The following ENOSF1 variants were observed in gnomAD, a reference collection of about 807,000 sequenced individuals.
ENOSF1 encodes enolase superfamily member 1.
In ENOSF1, 73 loss-of-function variants were observed where a neutral mutation model predicts 68.2. The ratio of observed to expected loss-of-function variants is 1.07; its 90% confidence interval spans 0.89 to 1.30. The LOEUF (loss-of-function observed/expected upper bound fraction) is 1.30, where lower values mean the gene tolerates loss of function less well. Among genes scored for constraint, ENOSF1 ranks in the 50% most tolerant of loss-of-function variants. The pLI, the probability that ENOSF1 is intolerant of heterozygous loss-of-function variation, is 0.00. For synonymous variants in ENOSF1, 223 were observed against 210.4 expected, an observed-to-expected ratio of 1.06 and a Z score of -0.52; for missense variants, 589 against 554.5, an observed-to-expected ratio of 1.06 and a Z score of -0.62.
At chr18:683,691 C>G (rs887691084) in intron 10 of ENOSF1, among the ~76,000 whole-genome samples, 3 of 152,136 alleles carry the variant, frequency 2.0e-5, no homozygotes, top group African/African-American at 7.2e-5. Flanking sequence ...GGTCCAATCT[C>G]CATCTAGATG....
At chr18:689,232 C>T (rs187111876) in intron 8 of ENOSF1, among the ~76,000 whole-genome samples, 35 of 152,272 alleles carry the variant, frequency 2.3e-4, no homozygotes, top group Admixed American at 1.4e-3. Flanking sequence ...AAATGAATGG[C>T]TTTGCATTTG....
At chr18:710,530 C>G (rs1201228929) in intron 1 of ENOSF1, among the ~76,000 whole-genome samples, 1 of 151,970 alleles carries the variant, frequency 6.6e-6, no homozygotes, top group East Asian at 1.9e-4. Flanking sequence ...TCTTTAGAAA[C>G]AGGGTCTCAC....
Position 675,401 on chromosome 18 carries a change from C to T in ENOSF1, c.1150G>A (p.Val384Met). The change falls in exon 15 of 16, where the codon GTG becomes ATG. Residue 384 changes from valine to methionine, a missense_variant and splice_region_variant. Coordinates refer to ENST00000647584, the MANE Select transcript of ENOSF1 (RefSeq NM_017512.7). The stretch of plus-strand genomic sequence containing the variant: ...TGCAGGTGGTCAACATACTCACACA[C>T]CCTAGGAGGAGGGAATCAGATCGGG... Reference protein sequence around the residue: ...ISVSASLENRVCEYVDHLHEH... With the variant: ...ISVSASLENRMCEYVDHLHEH... 1 of 1,612,322 alleles carries T rather than the reference C, an allele frequency of 6.2e-7. No individual in the cohort carries two copies. Among genetic ancestry groups the T allele is most frequent in the Non-Finnish European group, 8.5e-7 (1 of 1,179,450 alleles).
In ENOSF1 at chr18:684,273, C is replaced by G. The variant is rs188731332; in HGVS notation, c.742-893G>C. Among the ~76,000 whole-genome samples, 483 of 152,108 alleles carry G rather than the reference C, an allele frequency of 3.2e-3. 1 individual carries two copies. Among genetic ancestry groups the G allele is most frequent in the Non-Finnish European group, 5.1e-3 (347 of 67,986 alleles). On this transcript the variant is annotated intron_variant, in intron 10 of 15. Transcript: ENST00000647584. ...GCCTCCCAAAGTGCTGGGATTACAG[C>G]CATGAGCCACTGCATCTGGCCCAGC...
At chr18:686,107 C>G (rs543469060) in intron 9 of ENOSF1, 99 bp from the exon 10 acceptor site, 26 of 844,690 alleles carry the variant, frequency 3.1e-5, no homozygotes, top group East Asian at 2.0e-4. Flanking sequence ...CAACAATTCA[C>G]AGATATGTTT....
At chr18:689,702 T>C (rs2076961015) in intron 8 of ENOSF1, among the ~76,000 whole-genome samples, 1 of 151,884 alleles carries the variant, frequency 6.6e-6, no homozygotes, top group Non-Finnish European at 1.5e-5. Context: ...GCTGCCCCCC[T>C]ATTTCCTAAC....
At chr18:685,552 CA>C (rs1016638569) in intron 10 of ENOSF1, among the ~76,000 whole-genome samples, 3 of 152,130 alleles carry the variant, frequency 2.0e-5, no homozygotes, top group African/African-American at 7.2e-5. Context: ...ACATTTATCT[CA>C]GCTGAAGTTC....
chr18:688,757 A>C, intron 8 of ENOSF1, 149 bp from the exon 9 acceptor site: 1 of 684,784 alleles, frequency 1.5e-6, no homozygotes. Flanking sequence ...CAGCAGAAAC[A>C]GCCTGGCTGA....
intron 10 of ENOSF1, among the ~76,000 whole-genome samples, chr18:684,410 C>T (rs1324735125): frequency 2.0e-5 from 3 of 151,808 alleles, no homozygotes; most frequent in African/African-American, 7.3e-5. Flanking sequence ...CACTTGTAGT[C>T]CCAGCTACTC....
At chr18:667,011 T>A (rs1297028091), downstream of ENOSF1, among the ~76,000 whole-genome samples, 37 of 5,866 alleles carry the variant, frequency 6.3e-3, 4 homozygotes, top group South Asian at 0.041. Context: ...ATGGTGATGG[T>A]GATGGAGATG....
rs1453650250 is a variant in ENOSF1, at chr18:712,607, C to A, written c.-20G>T. On this transcript the variant is annotated 5_prime_UTR_variant, in exon 1 of 16. Coordinates refer to ENST00000647584, the MANE Select transcript of ENOSF1 (RefSeq NM_017512.7). ...CACCATGGCCCCTGCGCCCCGTGGC[C>A]GCGGCCCCCGTGCGGTCAGGACTGG... 1.4e-6 allele frequency: 2 copies of A among 1,456,230 alleles called. No individual in the cohort carries two copies. The highest frequency in any genetic ancestry group is 1.8e-6 in the Non-Finnish European group (2 of 1,097,240). The allele number at this position is 1,456,230 out of a possible 1,614,324, so 90.2% of individuals were successfully genotyped here. A position where few individuals can be genotyped will look rare whatever the true frequency, so the allele number is the denominator to read the frequency against.
Position 670,940 on chromosome 18 carries a change from A to G in ENOSF1, c.*3365T>C. Reference sequence around the variant, plus strand: ...CTTCAGTTCTTTAATATGGGAAAACAAATTGCAGAGTTTAGTCTCTGATTA... The same window carrying G: ...CTTCAGTTCTTTAATATGGGAAAACGAATTGCAGAGTTTAGTCTCTGATTA... On this transcript the variant is annotated 3_prime_UTR_variant, in exon 16 of 16. Transcript: ENST00000647584. The G allele has an allele frequency of 1.3e-6, 2 of 1,531,272 alleles. No individual in the cohort carries two copies. The highest frequency in any genetic ancestry group is 8.9e-7 in the Non-Finnish European group (1 of 1,125,158). The allele number at this position is 1,531,272 out of a possible 1,614,324, so 94.9% of individuals were successfully genotyped here. A position where few individuals can be genotyped will look rare whatever the true frequency, so the allele number is the denominator to read the frequency against.
rs2144417131 is a variant in ENOSF1, at chr18:672,828, A to G, written c.*1477T>C. ...AGCAATTACAACAGGTCGTACAATT[A>G]TGGCAAAATAATGGCCTTATTTTGT... is the stretch of plus-strand genomic sequence containing the variant. On this transcript the variant is annotated 3_prime_UTR_variant, in exon 16 of 16. Coordinates refer to ENST00000647584, the MANE Select transcript of ENOSF1 (RefSeq NM_017512.7). 5 of 1,541,546 alleles carry G rather than the reference A, an allele frequency of 3.2e-6. No homozygotes were observed. The East Asian group carries it at 6.9e-5, about 21-fold the overall frequency.
downstream of ENOSF1, among the ~76,000 whole-genome samples, chr18:667,992 A>T (rs994400523): frequency 1.3e-4 from 14 of 105,362 alleles, no homozygotes; most frequent in East Asian, 3.5e-3. Context: ...ATTCACAGGA[A>T]TTTTTTTTTT....
the ENOSF1 span, among the ~76,000 whole-genome samples, chr18:663,814 A>T: frequency 1.9e-5 from 2 of 103,142 alleles, no homozygotes; most frequent in South Asian, 6.2e-4. Flanking sequence ...TTTGTCAAAG[A>T]TCAGATAGTT....
In ENOSF1 at chr18:671,199, G is replaced by A. The variant is rs932226866; in HGVS notation, c.*3106C>T. ...AGACAGGAGCAATTGCTTGAGGTCT[G>A]GAGTTCAATACCAGCCTGGGCAACA... On this transcript the variant is annotated 3_prime_UTR_variant, in exon 16 of 16. Coordinates refer to ENST00000647584, the MANE Select transcript of ENOSF1 (RefSeq NM_017512.7). The A allele has an allele frequency of 1.6e-6, 1 of 622,518 alleles. No individual in the cohort carries two copies. Among genetic ancestry groups the A allele is most frequent in the Admixed American group, 2.8e-5 (1 of 35,322 alleles). The allele number at this position is 622,518 out of a possible 1,614,324, so 38.6% of individuals were successfully genotyped here. A position where few individuals can be genotyped will look rare whatever the true frequency, so the allele number is the denominator to read the frequency against.
At chr18:681,452 C>G (rs2076067023) in intron 11 of ENOSF1, among the ~76,000 whole-genome samples, 2 of 152,224 alleles carry the variant, frequency 1.3e-5, no homozygotes, top group African/African-American at 4.8e-5. Context: ...CAGGTTGGTG[C>G]TAGGCCAGCT....
chr18:675,428 CAAT>C, intron 14 of ENOSF1, 26 bp from the exon 15 acceptor site: 1 of 1,587,810 alleles, frequency 6.3e-7, no homozygotes. Flanking sequence ...CAGATCGGGG[CAAT>C]GATGCCTGAA....
downstream of ENOSF1, chr18:667,890 A>G (rs1279990971): frequency 3.3e-5 from 5 of 151,686 alleles, no homozygotes; most frequent in Admixed American, 6.6e-5. Context: ...GCCTAATAAA[A>G]TTATGGTTTT....
Sources: gnomAD v4.1 joint callset for allele counts (sites outside exome capture counted in the v4.1 genomes callset) on GRCh38, gnomAD v4.1.1 for gene constraint, MANE v1.5 for transcripts, NCBI Gene and HGNC (gene_info 2026-07-23, HGNC 2026-07-21) for gene names.